Variants in MICAL2 observed in about 807,000 individuals in gnomAD.
The protein encoded by MICAL2 is microtubule associated monooxygenase, calponin and LIM domain containing 2, also known as [F-actin]-monooxygenase MICAL2.
Under a neutral mutation model 127.3 loss-of-function variants are expected in MICAL2, and 77 were observed. The ratio of observed to expected loss-of-function variants is 0.60; its 90% CI spans 0.50 to 0.73. MICAL2 has a LOEUF of 0.73. MICAL2 is among the 30% of genes least tolerant of loss of function. The pLI is 0.00. For missense variants in MICAL2, 1,351 were observed against 1,434.4 expected (o/e 0.94, Z 0.94); for synonymous variants, 570 against 551.1 (o/e 1.03, Z -0.48).
intron 1 of MICAL2, among the ~76,000 whole-genome samples, chr11:12,119,647 C>T (rs1283592960): frequency 6.6e-6 from 1 of 152,204 alleles, no homozygotes; most frequent in Non-Finnish European, 1.5e-5. Context: ...CCCTCATAGG[C>T]CGCCTGCGGA....
intron 3 of MICAL2, among the ~76,000 whole-genome samples, chr11:12,200,920 A>G (rs1200395717): frequency 6.6e-6 from 1 of 151,958 alleles, no homozygotes; most frequent in Non-Finnish European, 1.5e-5. Context: ...GCCTCTCTTC[A>G]CCCCACATCC....
rs546071348 is a variant in MICAL2 at position 12,327,900 on chromosome 11, G to A, written c.5515+634G>A. On this transcript the variant is annotated intron_variant, in intron 32 of 34. Transcript: ENST00000646065. ...TTGGTAGTAATTCAAAACTCAGAGT[G>A]AGAGTCAATGTCCTGGTTTTTCCTT... 1.7e-4 allele frequency among the ~76,000 whole-genome samples: 26 copies of A among 151,240 alleles called. No homozygotes were observed. The South Asian group carries it at 5.1e-3, about 29-fold the overall frequency.
chr11:12,282,663 A>G (rs538506500), intron 2 of MICAL2, among the ~76,000 whole-genome samples: 113 of 152,358 alleles, frequency 7.4e-4, no homozygotes, highest in Admixed American at 3.3e-3. Context: ...AACACAGAAC[A>G]TCGTTACTCT....
At chr11:12,313,254 G>A (rs1179713792) in intron 29 of MICAL2, among the ~76,000 whole-genome samples, 2 of 151,936 alleles carry the variant, frequency 1.3e-5, no homozygotes, top group African/African-American at 4.8e-5. Flanking sequence ...AGAAAGGGAG[G>A]TGGAAAGTTA....
At chr11:12,251,324 G>A (rs1185995995) in intron 22 of MICAL2, among the ~76,000 whole-genome samples, 6 of 151,750 alleles carry the variant, frequency 4.0e-5, no homozygotes, top group East Asian at 1.9e-4. Flanking sequence ...CGGTAAGGCC[G>A]TCCTGCTGTC....
chr11:12,217,596 C>A (rs990927005), intron 8 of MICAL2, among the ~76,000 whole-genome samples: 4 of 152,116 alleles, frequency 2.6e-5, no homozygotes, highest in Non-Finnish European at 4.4e-5. Context: ...GGGTAGCGGG[C>A]AGCTTTGCAG....
chr11:12,262,287 C>T lies in MICAL2; in HGVS notation c.3335-193C>T, dbSNP rs916079471. On this transcript the variant is annotated intron_variant, in intron 26 of 27. Coordinates refer to ENST00000683283, the MANE Select transcript of MICAL2 (RefSeq NM_001282663.2). ...TGCATCCACTCTCGTAAACAAGTAG[C>T]TGGTCACAACCAGAAAGGTTCATCT... The T allele has an allele frequency of 3.5e-6, 5 of 1,431,488 alleles. No homozygotes were observed. The East Asian group carries it at 1.3e-4, about 36-fold the overall frequency. The allele number at this position is 1,431,488 out of a possible 1,614,324, so 88.7% of individuals were successfully genotyped here.
downstream of MICAL2, among the ~76,000 whole-genome samples, chr11:12,266,721 C>T (rs970971273): frequency 1.3e-5 from 2 of 152,348 alleles, no homozygotes; most frequent in African/African-American, 2.4e-5. Context: ...GGTGCCTGCT[C>T]TAAGAGGAAC....
upstream of MICAL2, among the ~76,000 whole-genome samples, chr11:12,271,168 C>T (rs115120052): frequency 4.4e-3 from 673 of 152,306 alleles, 3 homozygotes; most frequent in African/African-American, 0.015. Flanking sequence ...CTGAGGTGCT[C>T]AGTTCTGGGC....
intron 15 of MICAL2, among the ~76,000 whole-genome samples, chr11:12,229,408 G>A (rs1206013716): frequency 6.6e-6 from 1 of 152,240 alleles, no homozygotes; most frequent in African/African-American, 2.4e-5. Context: ...TTCCCACTGA[G>A]TAAATGGGGC....
Position 12,358,444 on chromosome 11 carries a change from G to A in MICAL2, c.5839G>A (p.Val1947Ile), listed in dbSNP as rs537751154. The change falls in exon 35 of 35, where the codon GTA becomes ATA. Residue 1947 changes from valine to isoleucine, a missense_variant. Transcript: ENST00000646065. Reference sequence around the variant, plus strand: ...CGAGGACCAGCACTTTGAAAGCTTCGTATTCTCCAGAGGCTGTCAGCTGAG... The same window carrying A: ...CGAGGACCAGCACTTTGAAAGCTTCATATTCTCCAGAGGCTGTCAGCTGAG... 64 of 1,614,092 alleles carry A rather than the reference G, an allele frequency of 4.0e-5. No individual in the cohort carries two copies. The highest frequency in any genetic ancestry group is 2.7e-4 in the East Asian group (12 of 44,880).
downstream of MICAL2, chr11:12,294,137 G>A (rs775399626): frequency 5.6e-6 from 9 of 1,613,842 alleles, no homozygotes; most frequent in South Asian, 8.8e-5. Flanking sequence ...CCCTAGGGCA[G>A]CAGGAGAGCC....
At chr11:12,164,571 T>C (rs1325320188) in intron 3 of MICAL2, among the ~76,000 whole-genome samples, 2 of 152,204 alleles carry the variant, frequency 1.3e-5, no homozygotes, top group South Asian at 2.1e-4. Context: ...ATTGGCTCCA[T>C]GCTTCCCTCC....
chr11:12,260,536 C>T (rs1176279298), intron 26 of MICAL2: 1 of 1,013,268 alleles, frequency 9.9e-7, no homozygotes, highest in Admixed American at 5.8e-5. Flanking sequence ...TTGAACACTG[C>T]AGTGAGTTAT....
At chr11:12,231,075 C>G (rs546092665) in intron 15 of MICAL2, among the ~76,000 whole-genome samples, 8 of 152,176 alleles carry the variant, frequency 5.3e-5, no homozygotes, top group Admixed American at 1.3e-4. Flanking sequence ...ATAACCAGGG[C>G]GTCTATCATG....
intron 3 of MICAL2, among the ~76,000 whole-genome samples, chr11:12,192,960 G>T (rs181393107): frequency 6.6e-6 from 1 of 152,270 alleles, no homozygotes; most frequent in Admixed American, 6.5e-5. Context: ...CCTCTTTTAT[G>T]GTTGAGAGAA....
At chr11:12,249,289 A>AG in intron 22 of MICAL2, 43 bp downstream of exon 22, 1 of 1,194,426 alleles carries the variant, frequency 8.4e-7, no homozygotes, top group Non-Finnish European at 1.2e-6. Context: ...TCACCTGCAA[A>AG]GGGGGATTAT....
Position 12,220,078 on chromosome 11 carries a change from T to G in MICAL2, c.949-123T>G. 4.4e-6 allele frequency: 5 copies of G among 1,146,164 alleles called. No homozygotes were observed. In the East Asian group the frequency reaches 1.2e-4, roughly 27 times the overall value. 71.0% of individuals were successfully genotyped at this position (1,146,164 alleles called of 1,614,324 possible). On this transcript the variant is annotated intron_variant, in intron 8 of 27. Coordinates refer to ENST00000683283, the MANE Select transcript of MICAL2 (RefSeq NM_001282663.2). Reference sequence around the variant, plus strand: ...TCTTTATTCCCTTGGTCCTGGTTTTTATATGTCTTTTCTGACTAGCCTCAC... The same window carrying G: ...TCTTTATTCCCTTGGTCCTGGTTTTGATATGTCTTTTCTGACTAGCCTCAC...
Position 12,257,087 on chromosome 11 carries a change from T to G in MICAL2, c.3142+116T>G, listed in dbSNP as rs534123568. On this transcript the variant is annotated intron_variant, in intron 24 of 27. Transcript: ENST00000683283. Reference sequence around the variant, plus strand: ...ACACCCAAACATACCCAAAAGGAAGTATGATGTCATCAGGAAAGCTGCTCA... The same window carrying G: ...ACACCCAAACATACCCAAAAGGAAGGATGATGTCATCAGGAAAGCTGCTCA... 8.9e-6 allele frequency: 10 copies of G among 1,128,720 alleles called. No homozygotes were observed. In the South Asian group the frequency reaches 1.7e-4, roughly 19 times the overall value. 69.9% of individuals were successfully genotyped at this position (1,128,720 alleles called of 1,614,324 possible). A position where few individuals can be genotyped will look rare whatever the true frequency, so the allele number is the denominator to read the frequency against.
Sources: allele counts gnomAD v4.1 joint callset (sites outside exome capture counted in the v4.1 genomes callset), GRCh38; gene constraint gnomAD v4.1.1; transcripts MANE v1.5; gene names NCBI Gene and HGNC (gene_info 2026-07-23, HGNC 2026-07-21).